The following EFNA2 variants were observed in gnomAD, a reference collection of about 807,000 sequenced individuals.
The protein encoded by EFNA2 is ephrin A2.
A neutral mutation model predicts 19.7 loss-of-function variants in EFNA2; 18 were observed. The ratio of observed to expected loss-of-function variants is 0.91; its 90% confidence interval spans 0.63 to 1.35. EFNA2 has a LOEUF of 1.35. Among genes scored for constraint, EFNA2 ranks in the 40% most tolerant of loss-of-function variants. The pLI, the probability that EFNA2 is intolerant of heterozygous loss-of-function variation, is 0.00. For missense variants in EFNA2, 303 were observed against 296.0 expected (o/e 1.02, Z -0.17); for synonymous variants, 187 against 137.8 (o/e 1.36, Z -2.50).
chr19:1,289,624 G>C (rs530889560), intron 1 of EFNA2, among the ~76,000 whole-genome samples: 18 of 152,344 alleles, frequency 1.2e-4, no homozygotes, highest in Non-Finnish European at 2.1e-4. Context: ...CACTGGGTGG[G>C]CGCTTGCCCA....
At chr19:1,291,324 ACTTGTCCTTTCTTGGGCAGAC>A (rs1248877178) in intron 1 of EFNA2, among the ~76,000 whole-genome samples, 1 of 152,090 alleles carries the variant, frequency 6.6e-6, no homozygotes, top group Non-Finnish European at 1.5e-5. Context: ...ACAAGGCCAT[ACTTGTCCTTTCTTGGGCAGAC>A]CTTGCACCAT....
intron 1 of EFNA2, among the ~76,000 whole-genome samples, chr19:1,289,149 AG>A (rs1442382674): frequency 6.6e-6 from 1 of 152,184 alleles, no homozygotes; most frequent in East Asian, 1.9e-4. Context: ...GTGAATCCAC[AG>A]GGCACAGCTC....
In EFNA2 at chr19:1,300,241, ATTTTTTTTTTTTT is replaced by A. The variant is rs58281257; in HGVS notation, c.*319_*331del. 4,137 of 42,746 alleles carry A rather than the reference ATTTTTTTTTTTTT, an allele frequency of 0.097. 141 individuals are homozygous for A. The highest frequency in any genetic ancestry group is 0.23 in the Middle Eastern group (20 of 86). 2.6% of individuals were successfully genotyped at this position (42,746 alleles called of 1,614,324 possible). A position where few individuals can be genotyped will look rare whatever the true frequency, so the allele number is the denominator to read the frequency against. On this transcript the variant is annotated 3_prime_UTR_variant, in exon 4 of 4. Transcript: ENST00000215368. ...CGGAGAACCCGGGAACCTCTTGGCG[ATTTTTTTTTTTTT>A]TTTTTTTTTTTTTTTTTTTTTTAGT...
At chr19:1,289,056 C>T (rs921579436) in intron 1 of EFNA2, among the ~76,000 whole-genome samples, 3 of 152,226 alleles carry the variant, frequency 2.0e-5, no homozygotes, top group Non-Finnish European at 2.9e-5. Flanking sequence ...TTGCGTGCAG[C>T]GGTGGGGAAG....
At position 1,299,871 on chromosome 19, in the gene EFNA2, T is replaced by C. The variant is rs541012036; in HGVS notation, c.568T>C (p.Ser190Pro). The C allele has an allele frequency of 1.2e-6, 2 of 1,604,926 alleles. No individual in the cohort carries two copies. The highest frequency in any genetic ancestry group is 2.7e-5 in the African/African-American group (2 of 74,918). ...APEPIFTSNN[S>P]CSSPGGCRLF... ...TGAGCCCATCTTCACCAGCAATAAC[T>C]CGTGTAGCAGCCCGGGCGGCTGCCG... is the stretch of plus-strand genomic sequence containing the variant. The change falls in exon 4 of 4, where the codon TCG becomes CCG. Residue 190 changes from serine (S) to proline (P), a missense_variant. Transcript: ENST00000215368.
In EFNA2 at chr19:1,300,039, A is replaced by C. The variant is rs943959165; in HGVS notation, c.*94A>C. On this transcript the variant is annotated 3_prime_UTR_variant, in exon 4 of 4. Transcript: ENST00000215368. ...GACCCGGCTGCGGCCCCCGCCTCCGAGACCAAATAGAGACGCTGCTTCTCC... is the reference window on the plus strand; with the variant it reads ...GACCCGGCTGCGGCCCCCGCCTCCGCGACCAAATAGAGACGCTGCTTCTCC... 8.4e-6 allele frequency: 12 copies of C among 1,434,880 alleles called. No homozygotes were observed. The highest frequency in any genetic ancestry group is 1.1e-5 in the Non-Finnish European group (12 of 1,090,740). The allele number at this position is 1,434,880 out of a possible 1,614,324, so 88.9% of individuals were successfully genotyped here.
At chr19:1,292,626 C>G (rs900388552) in intron 1 of EFNA2, among the ~76,000 whole-genome samples, 2 of 152,044 alleles carry the variant, frequency 1.3e-5, no homozygotes, top group African/African-American at 4.8e-5. Flanking sequence ...GCTGGTGTGG[C>G]TGGAAGGGAG....
chr19:1,291,499 G>A (rs1176334357), intron 1 of EFNA2, among the ~76,000 whole-genome samples: 1 of 152,216 alleles, frequency 6.6e-6, no homozygotes, highest in Non-Finnish European at 1.5e-5. Context: ...GCTGGGGGTG[G>A]CAGGAGGGGA....
intron 3 of EFNA2, among the ~76,000 whole-genome samples, chr19:1,299,440 C>G (rs931783544): frequency 1.3e-5 from 2 of 151,680 alleles, no homozygotes; most frequent in Non-Finnish European, 2.9e-5. Context: ...CCTGTAGTCC[C>G]AGCTATTTGG....
chr19:1,299,868 A>G lies in EFNA2; in HGVS notation c.565A>G (p.Asn189Asp), dbSNP rs1012462175. The G allele has an allele frequency of 6.2e-7, 1 of 1,605,164 alleles. No homozygotes were observed. Among genetic ancestry groups the G allele is most frequent in the Admixed American group, 1.7e-5 (1 of 59,606 alleles). Residue 189 changes from asparagine (N) to aspartate (D), a missense_variant, in exon 4 of 4, where the codon AAC becomes GAC. Coordinates refer to ENST00000215368, the MANE Select transcript of EFNA2 (RefSeq NM_001405.4). The stretch of plus-strand genomic sequence containing the variant: ...TCCTGAGCCCATCTTCACCAGCAAT[A>G]ACTCGTGTAGCAGCCCGGGCGGCTG... ...EAPEPIFTSN[N>D]SCSSPGGCRL...
In EFNA2 at chr19:1,296,151, C is replaced by T. The variant is rs540740747; in HGVS notation, c.454+293C>T. Among the ~76,000 whole-genome samples, 10 of 152,362 alleles carry T rather than the reference C, an allele frequency of 6.6e-5. No homozygotes were observed. The East Asian group carries it at 1.9e-3, about 29-fold the overall frequency. The stretch of plus-strand genomic sequence containing the variant: ...ATGGACGTGCCATTCTCCCAACCAT[C>T]CCGGGAGGCCAGGACTTTCCTCGTC... On this transcript the variant is annotated intron_variant, in intron 2 of 3. Transcript: ENST00000215368. This position sits in a 1 kb window ranked among gnomAD's most constrained non-coding sequence, Gnocchi z 4.4.
rs202112776 is a variant in EFNA2, at chr19:1,295,496, C to A, written c.141-49C>A. The stretch of plus-strand genomic sequence containing the variant: ...CCCTCCCCGCGCACCCCGACCCGTG[C>A]CCCGTTCCTCGCTCCGGGCGCTGAC... On this transcript the variant is annotated intron_variant, in intron 1 of 3. Coordinates refer to ENST00000215368, the MANE Select transcript of EFNA2 (RefSeq NM_001405.4). The surrounding 1 kb of genome is among the most constrained non-coding windows in gnomAD (Gnocchi z 5.8). 3 of 1,482,964 alleles carry A rather than the reference C, an allele frequency of 2.0e-6. No individual in the cohort carries two copies. Among genetic ancestry groups the A allele is most frequent in the Non-Finnish European group, 2.7e-6 (3 of 1,118,894 alleles). The allele number at this position is 1,482,964 out of a possible 1,614,324, so 91.9% of individuals were successfully genotyped here.
chr19:1,295,427 G>A lies in EFNA2; in HGVS notation c.141-118G>A. On this transcript the variant is annotated intron_variant, in intron 1 of 3. Coordinates refer to ENST00000215368, the MANE Select transcript of EFNA2 (RefSeq NM_001405.4). The surrounding 1 kb of genome is among the most constrained non-coding windows in gnomAD (Gnocchi z 5.8). The stretch of plus-strand genomic sequence containing the variant: ...CGTGCTCCTGACCCCGGCCCTCGCC[G>A]CGCACCCCGACCCGTCCCTCGTGCT... The A allele has an allele frequency of 9.6e-7, 1 of 1,038,434 alleles. No homozygotes were observed. Among genetic ancestry groups the A allele is most frequent in the Non-Finnish European group, 1.3e-6 (1 of 777,950 alleles). 64.3% of individuals were successfully genotyped at this position (1,038,434 alleles called of 1,614,324 possible).
intron 3 of EFNA2, 75 bp downstream of exon 3, chr19:1,298,691 C>A: frequency 6.5e-7 from 1 of 1,534,358 alleles, no homozygotes; most frequent in Non-Finnish European, 8.9e-7. Flanking sequence ...AGTGAGTGTT[C>A]AGAAGAGCCA....
chr19:1,299,976 G>A lies in EFNA2; in HGVS notation c.*31G>A, dbSNP rs2081533338. On this transcript the variant is annotated 3_prime_UTR_variant, in exon 4 of 4. Transcript: ENST00000215368. Reference sequence around the variant, plus strand: ...GCCCCGCAGGACGCCGACCCTGCCTGGACGGCCCCGCCTGGACCGCCTGAC... The same window carrying A: ...GCCCCGCAGGACGCCGACCCTGCCTAGACGGCCCCGCCTGGACCGCCTGAC... The A allele has an allele frequency of 1.3e-6, 2 of 1,566,274 alleles. No homozygotes were observed. The highest frequency in any genetic ancestry group is 1.7e-6 in the Non-Finnish European group (2 of 1,161,148).
At chr19:1,299,486 G>C (rs1658605931) in intron 3 of EFNA2, among the ~76,000 whole-genome samples, 1 of 152,078 alleles carries the variant, frequency 6.6e-6, no homozygotes, top group South Asian at 2.1e-4. Flanking sequence ...AACCCGGGAG[G>C]CGGAGGTTGC....
Position 1,286,072 on chromosome 19 carries a change from C to T in EFNA2, c.-97C>T, listed in dbSNP as rs1247267062. 1 of 294,410 alleles carries T rather than the reference C, an allele frequency of 3.4e-6. No individual in the cohort carries two copies. The highest frequency in any genetic ancestry group is 2.3e-5 in the African/African-American group (1 of 43,198). The allele number at this position is 294,410 out of a possible 1,614,324, so 18.2% of individuals were successfully genotyped here. A position where few individuals can be genotyped will look rare whatever the true frequency, so the allele number is the denominator to read the frequency against. Reference sequence around the variant, plus strand: ...GCCGCGCCCTCCTCCCGCCCGCCCTCCGCCCGCCCGCTCGGCGGCGGCGGC... The same window carrying T: ...GCCGCGCCCTCCTCCCGCCCGCCCTTCGCCCGCCCGCTCGGCGGCGGCGGC... On this transcript the variant is annotated 5_prime_UTR_variant, in exon 1 of 4. Coordinates refer to ENST00000215368, the MANE Select transcript of EFNA2 (RefSeq NM_001405.4). This position sits in a 1 kb window ranked among gnomAD's most constrained non-coding sequence, Gnocchi z 5.6.
Position 1,295,340 on chromosome 19 carries a change from A to C in EFNA2, c.141-205A>C, listed in dbSNP as rs2081508805. 7.5e-6 allele frequency among the ~76,000 whole-genome samples: 1 copy of C among 133,182 alleles called. No homozygotes were observed. Among genetic ancestry groups the C allele is most frequent in the African/African-American group, 3.0e-5 (1 of 33,712 alleles). 87.4% of individuals were successfully genotyped at this position (133,182 alleles called of 152,430 possible). ...GAGCCATCTCTCCCCGCGCACACTGACCCGTGCCCCATGCACCTGTCCCCT... is the reference window on the plus strand; with the variant it reads ...GAGCCATCTCTCCCCGCGCACACTGCCCCGTGCCCCATGCACCTGTCCCCT... On this transcript the variant is annotated intron_variant, in intron 1 of 3. Coordinates refer to ENST00000215368, the MANE Select transcript of EFNA2 (RefSeq NM_001405.4). The surrounding 1 kb of genome is among the most constrained non-coding windows in gnomAD (Gnocchi z 5.8).
At chr19:1,289,502 G>A (rs1275997328) in intron 1 of EFNA2, among the ~76,000 whole-genome samples, 2 of 152,176 alleles carry the variant, frequency 1.3e-5, no homozygotes, top group East Asian at 1.9e-4. Context: ...CCCTGGGGAC[G>A]GGACCAGGGC....
Sources: allele counts gnomAD v4.1 joint callset (sites outside exome capture counted in the v4.1 genomes callset), GRCh38; gene constraint gnomAD v4.1.1; non-coding constraint Gnocchi (gnomAD v3.1); transcripts MANE v1.5; gene names NCBI Gene and HGNC (gene_info 2026-07-23, HGNC 2026-07-21).